DPP8: variants seen among roughly 807,000 people sequenced by gnomAD.
DPP8 encodes the protein dipeptidyl peptidase 8, also known as DPP VIII.
In DPP8, 31 loss-of-function variants were observed where a neutral mutation model predicts 107.5. The ratio of observed to expected loss-of-function variants is 0.29; its 90% CI spans 0.22 to 0.39. The LOEUF is 0.39. Among genes scored for constraint, DPP8 ranks in the 10% least tolerant of loss-of-function variants. The pLI, the probability that DPP8 is intolerant of heterozygous loss-of-function variation, is 1.00. For missense variants in DPP8, 842 were observed against 1,076.1 expected (o/e 0.78, Z 3.04); for synonymous variants, 381 against 356.6 (o/e 1.07, Z -0.77).
intron 3 of DPP8, among the ~76,000 whole-genome samples, chr15:65,504,514 A>C (rs2069691548): frequency 6.6e-6 from 1 of 151,440 alleles, no homozygotes; most frequent in South Asian, 2.1e-4. Context: ...TACTAAAAAT[A>C]CAAAAATTAG....
intron 3 of DPP8, among the ~76,000 whole-genome samples, chr15:65,506,175 C>T (rs542986372): frequency 6.6e-6 from 1 of 150,618 alleles, no homozygotes; most frequent in Admixed American, 6.6e-5. Context: ...ACTAAAAATA[C>T]AAAATTAGCT....
intron 11 of DPP8, chr15:65,475,332 G>C (rs1021585946): frequency 8.8e-7 from 1 of 1,137,426 alleles, no homozygotes. Context: ...CTGCTGCCCC[G>C]AGCCAGCTTT....
chr15:65,465,554 T>C (rs2065272326), intron 14 of DPP8, among the ~76,000 whole-genome samples: 1 of 149,756 alleles, frequency 6.7e-6, no homozygotes, highest in Non-Finnish European at 1.5e-5. Context: ...AGATGATACA[T>C]AAAACCAGTC....
At chr15:65,463,583 C>T (rs971585056) in intron 15 of DPP8, among the ~76,000 whole-genome samples, 178 bp downstream of exon 15, 1 of 151,526 alleles carries the variant, frequency 6.6e-6, no homozygotes, top group Non-Finnish European at 1.5e-5. Context: ...AATTAAACCT[C>T]CAACAAAAAC....
intron 19 of DPP8, among the ~76,000 whole-genome samples, chr15:65,448,688 A>T (rs868164137): frequency 0.1 from 13,185 of 127,658 alleles, 1,190 homozygotes; most frequent in African/African-American, 0.19. Context: ...AAAAAAAAAA[A>T]AAATATATAT....
intron 15 of DPP8, among the ~76,000 whole-genome samples, 176 bp downstream of exon 15, chr15:65,463,585 A>G (rs546774782): frequency 4.6e-5 from 7 of 152,116 alleles, no homozygotes; most frequent in African/African-American, 1.7e-4. Flanking sequence ...TTAAACCTCC[A>G]ACAAAAACCA....
At chr15:65,517,259 G>C (rs1435835035) in intron 1 of DPP8, 1 of 152,482 alleles carries the variant, frequency 6.6e-6, no homozygotes, top group Non-Finnish European at 1.5e-5. Flanking sequence ...GTGAACGGTG[G>C]TTGACTCGGA....
Position 65,446,935 on chromosome 15 carries a change from G to A in DPP8, c.2598C>T (p.His866=), listed in dbSNP as rs1595821985. 1 of 1,612,768 alleles carries A rather than the reference G, an allele frequency of 6.2e-7. No individual in the cohort carries two copies. Among genetic ancestry groups the A allele is most frequent in the East Asian group, 2.2e-5 (1 of 44,778 alleles). ...GTGATCCAAGGTTTTCTTGAAGGTA[G>A]TGCAAAAGATGCAGTTCATAATGTT... is the stretch of plus-strand genomic sequence containing the variant. ...SGEHYELHLL[H]YLQENLGSRI... Residue 866 remains histidine (H), a synonymous_variant, in exon 20 of 20, where the codon CAC becomes CAT. Transcript: ENST00000300141.
chr15:65,466,747 G>A lies in DPP8; in HGVS notation c.1756C>T (p.Leu586=). The stretch of plus-strand genomic sequence containing the variant: ...GTTGGGTCATCTTCAGGACTTGATA[G>A]CTTGTAAAGGGACACACAGTGTGGA... ...KNPHCVSLYK[L]SSPEDDPTCK... The change falls in exon 14 of 20, where the codon CTA becomes TTA. Residue 586 remains leucine, a synonymous_variant. Transcript: ENST00000300141. The A allele has an allele frequency of 6.2e-7, 1 of 1,613,894 alleles. No homozygotes were observed. Among genetic ancestry groups the A allele is most frequent in the Non-Finnish European group, 8.5e-7 (1 of 1,179,800 alleles).
At chr15:65,489,025 A>G (rs960576343) in intron 6 of DPP8, among the ~76,000 whole-genome samples, 66 of 152,270 alleles carry the variant, frequency 4.3e-4, no homozygotes, top group African/African-American at 1.5e-3. Flanking sequence ...GAGTGGCGCA[A>G]TCTCAGCTCA....
chr15:65,455,573 T>C, intron 16 of DPP8: 2 of 809,012 alleles, frequency 2.5e-6, no homozygotes, highest in African/African-American at 1.8e-5. Context: ...CACCACCACC[T>C]TGTCTATATT....
intron 11 of DPP8, among the ~76,000 whole-genome samples, chr15:65,477,520 T>C (rs993533916): frequency 7.3e-5 from 11 of 151,474 alleles, no homozygotes; most frequent in Admixed American, 5.9e-4. Context: ...TTATGTATAC[T>C]TTTCCACAAT....
chr15:65,499,105 G>GTGTGTGTGTATATATA (rs1555468189), intron 4 of DPP8, among the ~76,000 whole-genome samples: 1 of 138,742 alleles, frequency 7.2e-6, no homozygotes, highest in African/African-American at 2.7e-5. Flanking sequence ...GTGTGTGTGT[G>GTGTGTGTGTATATATA]TATATATAAA....
At position 65,480,242 on chromosome 15, in the gene DPP8, T is replaced by C. The variant is rs775385893; in HGVS notation, c.1276A>G (p.Thr426Ala). ...CATACATTTATCCAGATGTCTGTTG[T>C]TTCTTCATAGATAATTAGTGGCGTC... ...SVTPLIIYEE[T>A]TDIWINIHDI... Residue 426 changes from threonine to alanine, a missense_variant, in exon 10 of 20, where the codon ACA (threonine) becomes GCA (alanine). Thr to Ala is a moderately conservative substitution (Grantham distance 58, BLOSUM62 0). Coordinates refer to ENST00000300141, the MANE Select transcript of DPP8 (RefSeq NM_130434.5). 2 of 1,613,096 alleles carry C rather than the reference T, an allele frequency of 1.2e-6. No individual in the cohort carries two copies. Among genetic ancestry groups the C allele is most frequent in the South Asian group, 2.2e-5 (2 of 90,912 alleles).
Position 65,482,393 on chromosome 15 carries a change from T to C in DPP8, c.1018-778A>G, listed in dbSNP as rs2067010799. Among the ~76,000 whole-genome samples, 12 of 152,104 alleles carry C rather than the reference T, an allele frequency of 7.9e-5. No homozygotes were observed. In the South Asian group the frequency reaches 2.5e-3, roughly 32 times the overall value. ...GCCTCCCGGGTTTAAGTGATTCTCCTGCCTCAGCCTCCCGAGTAGCTGGGA... is the reference window on the plus strand; with the variant it reads ...GCCTCCCGGGTTTAAGTGATTCTCCCGCCTCAGCCTCCCGAGTAGCTGGGA... On this transcript the variant is annotated intron_variant, in intron 8 of 19. Transcript: ENST00000300141.
At chr15:65,499,880 T>C (rs1355136730) in intron 4 of DPP8, among the ~76,000 whole-genome samples, 1 of 152,164 alleles carries the variant, frequency 6.6e-6, no homozygotes, top group Non-Finnish European at 1.5e-5. Context: ...AATGGTATCT[T>C]AATGTAACTA....
chr15:65,498,817 G>T (rs988792284), intron 4 of DPP8, among the ~76,000 whole-genome samples: 1 of 152,100 alleles, frequency 6.6e-6, no homozygotes, highest in Non-Finnish European at 1.5e-5. Context: ...CACTTGAGAG[G>T]CTAAGGCAAG....
intron 2 of DPP8, among the ~76,000 whole-genome samples, chr15:65,511,224 T>G (rs1318332325): frequency 6.6e-6 from 1 of 152,172 alleles, no homozygotes; most frequent in African/African-American, 2.4e-5. Flanking sequence ...ACTGGAGGTC[T>G]GGTTAAGTAA....
rs985972615 is a variant in DPP8, at chr15:65,483,642, T to C, written c.1017+1457A>G. 5.9e-5 allele frequency among the ~76,000 whole-genome samples: 8 copies of C among 135,328 alleles called. No individual in the cohort carries two copies. The East Asian group carries it at 5.9e-4, about 10-fold the overall frequency. The allele number at this position is 135,328 out of a possible 152,430, so 88.8% of individuals were successfully genotyped here. ...AATAAAATAAAATAAAATAAAATAGTGCAGCCACTTTGGAAAAACACTTTA... is the reference window on the plus strand; with the variant it reads ...AATAAAATAAAATAAAATAAAATAGCGCAGCCACTTTGGAAAAACACTTTA... On this transcript the variant is annotated intron_variant, in intron 8 of 19. Coordinates refer to ENST00000300141, the MANE Select transcript of DPP8 (RefSeq NM_130434.5).
Sources: allele counts gnomAD v4.1 joint callset (sites outside exome capture counted in the v4.1 genomes callset), GRCh38; gene constraint gnomAD v4.1.1; transcripts MANE v1.5; gene names NCBI Gene and HGNC (gene_info 2026-07-23, HGNC 2026-07-21).